Variants in COL12A1 observed in about 807,000 individuals in gnomAD.
COL12A1 encodes collagen alpha-1(XII) chain.
A neutral mutation model predicts 349.7 loss-of-function variants in COL12A1; 114 were observed. That is an observed-to-expected ratio of 0.33 (90% confidence interval 0.28 to 0.38). COL12A1 has a LOEUF of 0.38. Among genes scored for constraint, COL12A1 ranks in the 10% least tolerant of loss-of-function variants. The pLI, the probability that COL12A1 is intolerant of heterozygous loss-of-function variation, is 1.00. For missense variants in COL12A1, 3,284 were observed against 3,756.9 expected, an observed-to-expected ratio of 0.87 and a Z score of 3.29; for synonymous variants, 1,369 against 1,329.0, an observed-to-expected ratio of 1.03 and a Z score of -0.66.
At chr6:75,100,907 ACT>A (rs1004001003) in intron 58 of COL12A1, among the ~76,000 whole-genome samples, 1 of 152,144 alleles carries the variant, frequency 6.6e-6, no homozygotes, top group Non-Finnish European at 1.5e-5. Flanking sequence ...GTTCTGAGAA[ACT>A]CTTAAAATTT....
chr6:75,108,193 C>T (rs181733178), intron 52 of COL12A1, among the ~76,000 whole-genome samples: 13 of 152,134 alleles, frequency 8.5e-5, no homozygotes, highest in Non-Finnish European at 1.9e-4. Flanking sequence ...AGTCTTCCCA[C>T]CTCAGCCTCC....
chr6:75,177,616 A>G, intron 12 of COL12A1, 47 bp downstream of exon 12: 1 of 1,611,240 alleles, frequency 6.2e-7, no homozygotes, highest in Admixed American at 1.7e-5. Context: ...TTTCCCCTCT[A>G]GTCTAAGAGT....
At chr6:75,175,370 CACTTTGTT>C in intron 12 of COL12A1, 60 bp from the exon 13 acceptor site, 1 of 1,558,256 alleles carries the variant, frequency 6.4e-7, no homozygotes, top group South Asian at 1.2e-5. Flanking sequence ...ACTTGAAAAA[CACTTTGTT>C]ACTTTACTTA....
At chr6:75,142,849 C>T (rs904472869) in intron 26 of COL12A1, among the ~76,000 whole-genome samples, 2 of 152,180 alleles carry the variant, frequency 1.3e-5, no homozygotes, top group African/African-American at 4.8e-5. Flanking sequence ...TCTCTAGTGT[C>T]CTATCTTCCT....
intron 49 of COL12A1, 72 bp from the exon 50 acceptor site, chr6:75,113,816 C>T (rs1768953774): frequency 8.4e-7 from 1 of 1,186,992 alleles, no homozygotes; most frequent in Non-Finnish European, 1.2e-6. Flanking sequence ...AGATTGATTG[C>T]TTTAACATCA....
intron 13 of COL12A1, among the ~76,000 whole-genome samples, chr6:75,171,543 A>G (rs1027000984): frequency 6.6e-6 from 1 of 152,256 alleles, no homozygotes; most frequent in Non-Finnish European, 1.5e-5. Flanking sequence ...GAGGTAATCT[A>G]TAAGATGTCC....
chr6:75,126,525 C>A, intron 38 of COL12A1, 55 bp from the exon 39 acceptor site: 1 of 1,541,856 alleles, frequency 6.5e-7, no homozygotes, highest in Non-Finnish European at 8.8e-7. Context: ...ACAGGGAGAG[C>A]ACAAAACTTT....
intron 9 of COL12A1, 59 bp downstream of exon 9, chr6:75,183,795 G>A: frequency 6.3e-7 from 1 of 1,584,144 alleles, no homozygotes; most frequent in East Asian, 2.2e-5. Context: ...AACAAGTAAG[G>A]CATTCTGTCA....
rs113939509 is a variant in COL12A1 at position 75,111,101 on chromosome 6, T to C, written c.7951-1934A>G. 6.9e-3 allele frequency among the ~76,000 whole-genome samples: 1,053 copies of C among 152,028 alleles called. 17 individuals carry two copies. Among genetic ancestry groups the C allele is most frequent in the African/African-American group, 0.024 (992 of 41,530 alleles). ...GAGATCATTTCACAATGTATGTGTATATCGGAACATCTCATTATACAGCTG... is the reference window on the plus strand; with the variant it reads ...GAGATCATTTCACAATGTATGTGTACATCGGAACATCTCATTATACAGCTG... On this transcript the variant is annotated intron_variant, in intron 51 of 65. Transcript: ENST00000322507.
chr6:75,202,844 T>C lies in COL12A1; in HGVS notation c.-35-17A>G, dbSNP rs1404741281. ...TGAAGAGATCTGCGGGAGGAAGTAG[T>C]GACTGCATCAGAACTGGGTCTGGGC... On this transcript the variant is annotated splice_polypyrimidine_tract_variant and intron_variant, in intron 1 of 65. Coordinates refer to ENST00000322507, the MANE Select transcript of COL12A1 (RefSeq NM_004370.6). 2.6e-6 allele frequency: 4 copies of C among 1,512,956 alleles called. No homozygotes were observed. The highest frequency in any genetic ancestry group is 2.7e-6 in the Non-Finnish European group (3 of 1,112,090). The allele number at this position is 1,512,956 out of a possible 1,614,324, so 93.7% of individuals were successfully genotyped here. A position where few individuals can be genotyped will look rare whatever the true frequency, so the allele number is the denominator to read the frequency against.
At chr6:75,135,918 C>T (rs981406181) in intron 31 of COL12A1, among the ~76,000 whole-genome samples, 23 of 152,154 alleles carry the variant, frequency 1.5e-4, no homozygotes, top group Admixed American at 6.5e-4. Flanking sequence ...GGGGCATCTA[C>T]CTACCTCTCC....
Position 75,155,851 on chromosome 6 carries a change from G to C in COL12A1, c.3254C>G (p.Ser1085Cys), listed in dbSNP as rs746620811. The change falls in exon 16 of 66, where the codon TCT becomes TGT. Residue 1085 changes from serine to cysteine, a missense_variant. Coordinates refer to ENST00000322507, the MANE Select transcript of COL12A1 (RefSeq NM_004370.6). Reference protein sequence around the residue: ...KLRQGSGTTASRFKSPRNLKT... With the variant: ...KLRQGSGTTACRFKSPRNLKT... ...GAGGTTTCTAGGAGACTTAAACCGAGAAGCTGTAAAGACAAAAAGATTTTT... is the reference window on the plus strand; with the variant it reads ...GAGGTTTCTAGGAGACTTAAACCGACAAGCTGTAAAGACAAAAAGATTTTT... The C allele has an allele frequency of 1.9e-6, 3 of 1,593,458 alleles. No individual in the cohort carries two copies. The highest frequency in any genetic ancestry group is 2.6e-6 in the Non-Finnish European group (3 of 1,174,034).
chr6:75,130,516 A>G (rs775473561), intron 36 of COL12A1, among the ~76,000 whole-genome samples: 19 of 152,316 alleles, frequency 1.2e-4, no homozygotes, highest in Non-Finnish European at 2.4e-4. Flanking sequence ...AATAAAACAT[A>G]AAGACTAAAC....
chr6:75,204,126 G>A (rs1770660803), intron 1 of COL12A1, among the ~76,000 whole-genome samples: 1 of 152,194 alleles, frequency 6.6e-6, no homozygotes, highest in Non-Finnish European at 1.5e-5. Context: ...TTTTGGCACT[G>A]CCCTAAGTAT....
At chr6:75,130,629 C>A (rs1246629363) in intron 36 of COL12A1, among the ~76,000 whole-genome samples, 2 of 152,026 alleles carry the variant, frequency 1.3e-5, no homozygotes, top group Non-Finnish European at 2.9e-5. Flanking sequence ...AGGGGAGAAA[C>A]CCCTCCTTAA....
At chr6:75,203,942 G>T (rs764934364) in intron 1 of COL12A1, among the ~76,000 whole-genome samples, 10 of 152,186 alleles carry the variant, frequency 6.6e-5, no homozygotes, top group Admixed American at 1.3e-4. Context: ...TGAGCCAAAG[G>T]TCGAGGCCTC....
rs1286151975 is a variant in COL12A1, at chr6:75,191,776, A to G, written c.335-16T>C. The G allele has an allele frequency of 3.2e-6, 5 of 1,554,102 alleles. No homozygotes were observed. In the African/African-American group the frequency reaches 5.6e-5, roughly 17 times the overall value. On this transcript the variant is annotated splice_polypyrimidine_tract_variant and intron_variant, in intron 4 of 65. Transcript: ENST00000322507. ...CCTGTTTGAACTAAGTTAAAACTTT[A>G]TTATTACAAAAGGAAATGAACCCAA...
intron 58 of COL12A1, 65 bp from the exon 59 acceptor site, chr6:75,097,371 A>G (rs1400340027): frequency 7.4e-6 from 10 of 1,356,732 alleles, no homozygotes; most frequent in Non-Finnish European, 1.0e-5. Context: ...AAAAGATGCT[A>G]AACAGGTTGC....
chr6:75,124,486 A>G (rs1219173405), intron 40 of COL12A1, 115 bp from the exon 41 acceptor site: 2 of 691,936 alleles, frequency 2.9e-6, no homozygotes, highest in Non-Finnish European at 4.7e-6. Context: ...TCAAAATTGT[A>G]TTATGTTTCC....
Sources: gnomAD v4.1 joint callset for allele counts (sites outside exome capture counted in the v4.1 genomes callset) on GRCh38, gnomAD v4.1.1 for gene constraint, MANE v1.5 for transcripts, NCBI Gene and HGNC (gene_info 2026-07-23, HGNC 2026-07-21) for gene names.